Variants in CPM observed in about 807,000 individuals in gnomAD.
The protein encoded by CPM is carboxypeptidase M.
In CPM, 35 loss-of-function variants were observed where a neutral mutation model predicts 46.4. The observed-to-expected ratio is 0.75, with a 90% CI of 0.58 to 1.00. The LOEUF (loss-of-function observed/expected upper bound fraction) is 1.00. Among genes scored for constraint, CPM ranks in the 50% least tolerant of loss-of-function variants. The probability of loss-of-function intolerance (pLI) is 0.00; values close to 1 mark genes in which losing one functional copy is unlikely to be tolerated. For missense variants in CPM, 422 were observed against 530.4 expected, an observed-to-expected ratio of 0.80 and a Z score of 2.01; for synonymous variants, 195 against 195.3, an observed-to-expected ratio of 1.00 and a Z score of 0.01.
At chr12:68,872,009 A>G (rs1409504407) in intron 3 of CPM, 53 bp from the exon 4 acceptor site, 1 of 1,587,732 alleles carries the variant, frequency 6.3e-7, no homozygotes, top group Non-Finnish European at 8.6e-7. Context: ...GCAATAAGGA[A>G]AGCACTCCCT....
At chr12:68,959,774 G>A (rs1889081930) in intron 1 of CPM, among the ~76,000 whole-genome samples, 1 of 152,230 alleles carries the variant, frequency 6.6e-6, no homozygotes. Flanking sequence ...CTGGCCCTCA[G>A]AACCTTCTGG....
chr12:68,907,694 G>A (rs112561501), intron 2 of CPM, among the ~76,000 whole-genome samples: 3,011 of 152,234 alleles, frequency 0.02, 94 homozygotes, highest in African/African-American at 0.067. Flanking sequence ...CCATATTTCT[G>A]CCACACAACA....
upstream of CPM, among the ~76,000 whole-genome samples, chr12:68,937,673 A>G (rs1293172000): frequency 6.6e-6 from 1 of 152,042 alleles, no homozygotes; most frequent in Non-Finnish European, 1.5e-5. Flanking sequence ...ATTTAGATAA[A>G]GCAAACAAAA....
chr12:68,909,318 T>A (rs61926289), intron 2 of CPM, among the ~76,000 whole-genome samples: 1 of 152,086 alleles, frequency 6.6e-6, no homozygotes, highest in Non-Finnish European at 1.5e-5. Context: ...CTCCTAAGTC[T>A]CTGGAACTGT....
intron 2 of CPM, among the ~76,000 whole-genome samples, chr12:68,894,033 G>A (rs1446102785): frequency 6.6e-6 from 1 of 151,846 alleles, no homozygotes; most frequent in Non-Finnish European, 1.5e-5. Context: ...TTGTTACCAG[G>A]GACTACCTCA....
chr12:68,898,234 C>T (rs1886967097), intron 2 of CPM, among the ~76,000 whole-genome samples: 2 of 151,996 alleles, frequency 1.3e-5, no homozygotes, highest in South Asian at 4.1e-4. Context: ...CCCCTTTTGA[C>T]CCCAGAAAAG....
intron 2 of CPM, among the ~76,000 whole-genome samples, chr12:68,902,370 C>T (rs771723718): frequency 1.3e-4 from 20 of 152,162 alleles, no homozygotes; most frequent in Admixed American, 3.3e-4. Flanking sequence ...TACCATGCCT[C>T]AAGAAATTAT....
At chr12:68,934,305 C>T (rs755628725), upstream of CPM, among the ~76,000 whole-genome samples, 1 of 152,144 alleles carries the variant, frequency 6.6e-6, no homozygotes, top group Admixed American at 6.5e-5. Flanking sequence ...GAATTTTTCT[C>T]GTGGAGGCCC....
At position 68,858,947 on chromosome 12, in the gene CPM, GAGA is replaced by G. The variant is rs1414229023; in HGVS notation, c.1062_1064del (p.Leu356del). ...CATTTATTATATAAGACCCAGGCAA[GAGA>G]AGGAGATAATACTCTCCATATTTGT... On this transcript the variant is annotated inframe_deletion, in exon 8 of 9. Transcript: ENST00000551568. 6.6e-7 allele frequency: 1 copy of G among 1,510,728 alleles called. No homozygotes were observed. The highest frequency in any genetic ancestry group is 8.9e-7 in the Non-Finnish European group (1 of 1,129,282). The allele number at this position is 1,510,728 out of a possible 1,614,324, so 93.6% of individuals were successfully genotyped here.
At chr12:68,942,446 T>C (rs902891345) in intron 1 of CPM, among the ~76,000 whole-genome samples, 1 of 152,212 alleles carries the variant, frequency 6.6e-6, no homozygotes, top group Non-Finnish European at 1.5e-5. Context: ...CAGCAATGAC[T>C]ATAAAATCAT....
At chr12:68,918,645 C>T (rs532507033) in intron 2 of CPM, among the ~76,000 whole-genome samples, 84 of 140,182 alleles carry the variant, frequency 6.0e-4, no homozygotes, top group African/African-American at 2.3e-3. Context: ...TCCAATCCAA[C>T]CCAACCCAAC....
intron 1 of CPM, chr12:68,957,556 C>G (rs1301113430): frequency 1.2e-5 from 2 of 169,786 alleles, no homozygotes; most frequent in African/African-American, 4.8e-5. Context: ...TCCACACTTT[C>G]CCAGAAGACT....
intron 2 of CPM, among the ~76,000 whole-genome samples, chr12:68,911,665 A>G (rs984468069): frequency 5.9e-5 from 9 of 152,258 alleles, no homozygotes; most frequent in African/African-American, 1.9e-4. Flanking sequence ...AACTGCAGTA[A>G]GAGTAGCATA....
At chr12:68,938,367 C>G (rs895448610) in intron 1 of CPM, among the ~76,000 whole-genome samples, 19 of 151,684 alleles carry the variant, frequency 1.3e-4, no homozygotes, top group African/African-American at 4.1e-4. Flanking sequence ...GCATGGCACT[C>G]CATTCTGGGT....
intron 2 of CPM, among the ~76,000 whole-genome samples, chr12:68,914,217 G>C (rs1378425191): frequency 1.3e-5 from 2 of 152,206 alleles, no homozygotes; most frequent in Non-Finnish European, 2.9e-5. Flanking sequence ...GCAGCTTAAA[G>C]AGCACAAGGC....
intron 2 of CPM, among the ~76,000 whole-genome samples, chr12:68,912,839 G>C (rs1245907161): frequency 6.6e-6 from 1 of 152,208 alleles, no homozygotes; most frequent in Non-Finnish European, 1.5e-5. Flanking sequence ...GGCAGCCTGG[G>C]ATTCTGTTAA....
intron 1 of CPM, among the ~76,000 whole-genome samples, chr12:68,960,845 C>T (rs563525633): frequency 2.0e-4 from 30 of 152,272 alleles, no homozygotes; most frequent in Admixed American, 3.9e-4. Context: ...GGTGAATTAA[C>T]GATTCTGCAC....
chr12:68,854,856 A>G lies in CPM; in HGVS notation c.*1581T>C, dbSNP rs1168746863. The stretch of plus-strand genomic sequence containing the variant: ...AGAGCAGAATTCATCAATATTTATC[A>G]GCACCAATTTTTTTTTTTAAGACAG... On this transcript the variant is annotated 3_prime_UTR_variant, in exon 9 of 9. Coordinates refer to ENST00000551568, the MANE Select transcript of CPM (RefSeq NM_198320.5). 1 of 151,908 alleles carries G rather than the reference A, an allele frequency of 6.6e-6. No homozygotes were observed. Among genetic ancestry groups the G allele is most frequent in the Non-Finnish European group, 1.5e-5 (1 of 68,036 alleles). 9.4% of individuals were successfully genotyped at this position (151,908 alleles called of 1,614,324 possible). A position where few individuals can be genotyped will look rare whatever the true frequency, so the allele number is the denominator to read the frequency against.
intron 1 of CPM, among the ~76,000 whole-genome samples, chr12:68,938,398 T>TA (rs200022100): frequency 0.021 from 3,018 of 145,064 alleles, 103 homozygotes; most frequent in African/African-American, 0.07. Context: ...GACTCTGTCT[T>TA]AAAAAAAAAA....
Sources: allele counts gnomAD v4.1 joint callset (sites outside exome capture counted in the v4.1 genomes callset), GRCh38; gene constraint gnomAD v4.1.1; transcripts MANE v1.5; gene names NCBI Gene and HGNC (gene_info 2026-07-23, HGNC 2026-07-21).